CYP21A2: variants seen among roughly 807,000 people sequenced by gnomAD.
CYP21A2 encodes cytochrome P450 family 21 subfamily A member 2.
A neutral mutation model predicts 47.4 loss-of-function variants in CYP21A2; 24 were observed. The observed-to-expected ratio is 0.51, with a 90% CI of 0.37 to 0.71. The LOEUF is 0.71. Among genes scored for constraint, CYP21A2 ranks in the 30% least tolerant of loss-of-function variants. The pLI is 0.00. For missense variants in CYP21A2, 358 were observed against 643.2 expected (o/e 0.56, Z 4.80); for synonymous variants, 130 against 273.9 (o/e 0.47, Z 5.19).
rs370908729 is a variant in CYP21A2, at chr6:32,040,512, C to G, written c.1046C>G (p.Thr349Ser). Residue 349 changes from threonine (T) to serine (S), a missense_variant, in exon 8 of 10, where the codon ACC (threonine) becomes AGC (serine). Physicochemically the swap from Thr to Ser is moderately conservative, Grantham distance 58. Coordinates refer to ENST00000644719, the MANE Select transcript of CYP21A2 (RefSeq NM_000500.9). The stretch of plus-strand genomic sequence containing the variant: ...GCACGGCTGCCCTTGCTCAATGCCA[C>G]CATCGCCGAGGTGCTGCGCCTGCGG... Reference protein sequence around the residue: ...DRARLPLLNATIAEVLRLRPV... With the variant: ...DRARLPLLNASIAEVLRLRPV... 1.4e-5 allele frequency: 23 copies of G among 1,613,572 alleles called. No homozygotes were observed. Among genetic ancestry groups the G allele is most frequent in the Non-Finnish European group, 1.9e-5 (23 of 1,179,814 alleles).
chr6:32,039,488 G>A (rs560869058), intron 4 of CYP21A2, 31 bp downstream of exon 4: 4 of 1,572,208 alleles, frequency 2.5e-6, no homozygotes, highest in African/African-American at 1.4e-5. Context: ...CCCACCCCCA[G>A]CCCCTCCCTG....
chr6:32,038,905 T>C, intron 2 of CYP21A2, 94 bp downstream of exon 2: 1 of 1,369,214 alleles, frequency 7.3e-7, no homozygotes, highest in Non-Finnish European at 1.0e-6. Context: ...AAATTCCTAG[T>C]CTCAAATGAT....
intron 2 of CYP21A2, 127 bp from the exon 3 acceptor site, chr6:32,038,967 G>C: frequency 6.5e-7 from 1 of 1,528,272 alleles, no homozygotes; most frequent in Non-Finnish European, 8.9e-7. Context: ...CCCCAATCCA[G>C]GTCCCTGGAA....
chr6:32,039,712 C>T, intron 5 of CYP21A2, 37 bp from the exon 6 acceptor site: 1 of 1,581,220 alleles, frequency 6.3e-7, no homozygotes, highest in Non-Finnish European at 8.6e-7. Context: ...GGGAGAGGCT[C>T]CTTCCCACAG....
intron 2 of CYP21A2, 21 bp from the exon 3 acceptor site, chr6:32,039,073 A>ACC: frequency 6.9e-7 from 1 of 1,457,728 alleles, no homozygotes; most frequent in African/African-American, 1.5e-5. Flanking sequence ...CCCACCCTCC[A>ACC]GCCCCCACCT....
At position 32,039,545 on chromosome 6, in the gene CYP21A2, G is replaced by A; in HGVS notation, c.550-1G>A. The A allele has an allele frequency of 6.3e-7, 1 of 1,586,730 alleles. No individual in the cohort carries two copies. Among genetic ancestry groups the A allele is most frequent in the Non-Finnish European group, 8.6e-7 (1 of 1,165,488 alleles). On this transcript the variant is annotated splice_acceptor_variant, in intron 4 of 9. Coordinates refer to ENST00000644719, the MANE Select transcript of CYP21A2 (RefSeq NM_000500.9). LOFTEE classifies it high-confidence loss of function. The stretch of plus-strand genomic sequence containing the variant: ...GAAAGTACTCCCTCCTTTTCTGGCA[G>A]GACGACAACTTAATGCCTGCCTATT...
Position 32,038,553 on chromosome 6 carries a change from A to T in CYP21A2, c.131A>T (p.Asp44Val), listed in dbSNP as rs764569922. ...GGCTTCTTGCACCTGCTGCAGCCCG[A>T]CCTCCCCATCTATCTGCTTGGCCTG... ...APGFLHLLQP[D>V]LPIYLLGLTQ... is the part of the protein sequence containing the mutation. Residue 44 changes from aspartate to valine, a missense_variant, in exon 1 of 10, where the codon GAC becomes GTC. Coordinates refer to ENST00000644719, the MANE Select transcript of CYP21A2 (RefSeq NM_000500.9). The T allele has an allele frequency of 6.2e-7, 1 of 1,601,522 alleles. No individual in the cohort carries two copies. Among genetic ancestry groups the T allele is most frequent in the Non-Finnish European group, 8.5e-7 (1 of 1,173,928 alleles).
At position 32,040,418 on chromosome 6, in the gene CYP21A2, C is replaced by G. The variant is rs1776217797; in HGVS notation, c.952C>G (p.Leu318Val). Residue 318 changes from leucine (L) to valine (V), a missense_variant, in exon 8 of 10, where the codon CTG (leucine) becomes GTG (valine). Leu to Val is a conservative substitution (Grantham distance 32). Transcript: ENST00000644719. The part of the protein sequence containing the change: ...LLHHPEIQQR[L>V]QEELDHELGP... Reference sequence around the variant, plus strand: ...GATCATTCCCCAGATTCAGCAGCGACTGCAGGAGGAGCTAGACCACGAACT... The same window carrying G: ...GATCATTCCCCAGATTCAGCAGCGAGTGCAGGAGGAGCTAGACCACGAACT... The G allele has an allele frequency of 1.2e-6, 2 of 1,612,972 alleles. No individual in the cohort carries two copies. The highest frequency in any genetic ancestry group is 1.7e-6 in the Non-Finnish European group (2 of 1,179,830).
In CYP21A2 at chr6:32,041,154, G is replaced by T; in HGVS notation, c.*20G>T. ...CAGTGATGGGGCAGGACCGATGCCA[G>T]CCGGGTACCTCAGTTTCTCCTTTAT... On this transcript the variant is annotated 3_prime_UTR_variant, in exon 10 of 10. Coordinates refer to ENST00000644719, the MANE Select transcript of CYP21A2 (RefSeq NM_000500.9). 1 of 1,582,094 alleles carries T rather than the reference G, an allele frequency of 6.3e-7. No homozygotes were observed. Among genetic ancestry groups the T allele is most frequent in the Non-Finnish European group, 8.6e-7 (1 of 1,159,280 alleles).
Position 32,039,434 on chromosome 6 carries a change from C to T in CYP21A2, c.526C>T (p.Leu176Phe), listed in dbSNP as rs1342074925. 5 of 1,612,714 alleles carry T rather than the reference C, an allele frequency of 3.1e-6. No homozygotes were observed. The change falls in exon 4 of 10, where the codon CTC becomes TTC. Residue 176 changes from leucine to phenylalanine, a missense_variant. Coordinates refer to ENST00000644719, the MANE Select transcript of CYP21A2 (RefSeq NM_000500.9). ...CCTCACCTGCAGCATCATCTGTTAC[C>T]TCACCTTCGGAGACAAGATCAAGGT... ...SLLTCSIICY[L>F]TFGDKIKDDN...
chr6:32,039,303 C>G, intron 3 of CYP21A2, 53 bp from the exon 4 acceptor site: 1 of 1,576,474 alleles, frequency 6.3e-7, no homozygotes, highest in Non-Finnish European at 8.6e-7. Context: ...CACAGTAGCC[C>G]CCGCCCTGCC....
rs63749090 is a variant in CYP21A2, at chr6:32,038,468, G to A, written c.46G>A (p.Ala16Thr). 63 of 1,571,172 alleles carry A rather than the reference G, an allele frequency of 4.0e-5. No homozygotes were observed. The highest frequency in any genetic ancestry group is 5.4e-5 in the African/African-American group (4 of 73,668). The change falls in exon 1 of 10, where the codon GCC becomes ACC. Residue 16 changes from alanine (A) to threonine (T), a missense_variant. By Grantham distance (58) the Ala-to-Thr change is moderately conservative. Transcript: ENST00000644719. ...GCTGCTGCTGCCCCTGCTGGCTGGC[G>A]CCCGCCTGCTGTGGAACTGGTGGAA... ...LLLLLPLLAG[A>T]RLLWNWWKLR... is the part of the protein sequence containing the mutation.
In CYP21A2 at chr6:32,039,120, G is replaced by A. The variant is rs774531624; in HGVS notation, c.319G>A (p.Asp107Asn). 8.9e-6 allele frequency: 14 copies of A among 1,578,292 alleles called. No individual in the cohort carries two copies. In the East Asian group the frequency reaches 2.8e-4, roughly 31 times the overall value. Residue 107 changes from aspartate (D) to asparagine (N), a missense_variant, in exon 3 of 10, where the codon GAC (aspartate) becomes AAC (asparagine). Asp to Asn is a conservative substitution (Grantham distance 23, BLOSUM62 1). Transcript: ENST00000644719. Reference protein sequence around the residue: ...TYKLVSRNYPDLSLGDYSLLW... With the variant: ...TYKLVSRNYPNLSLGDYSLLW... ...CAAGCTGGTGTCTAGGAACTACCCGGACCTGTCCTTGGGAGACTACTCCCT... is the reference window on the plus strand; with the variant it reads ...CAAGCTGGTGTCTAGGAACTACCCGAACCTGTCCTTGGGAGACTACTCCCT...
Position 32,038,587 on chromosome 6 carries a change from A to G in CYP21A2, c.165A>G (p.Lys55=). Residue 55 remains lysine (K), a synonymous_variant, in exon 1 of 10, where the codon AAA becomes AAG. Transcript: ENST00000644719. ...LPIYLLGLTQ[K]FGPIYRLHLG... is the part of the protein sequence containing the mutation. ...TCTATCTGCTTGGCCTGACTCAGAA[A>G]TTCGGGCCCATCTACAGGCTCCACC... 1 of 1,589,658 alleles carries G rather than the reference A, an allele frequency of 6.3e-7. No homozygotes were observed. The highest frequency in any genetic ancestry group is 8.6e-7 in the Non-Finnish European group (1 of 1,166,970).
rs753680326 is a variant in CYP21A2 at position 32,039,076 on chromosome 6, C to T, written c.293-18C>T. On this transcript the variant is annotated intron_variant, in intron 2 of 9. Coordinates refer to ENST00000644719, the MANE Select transcript of CYP21A2 (RefSeq NM_000500.9). ...CCTTCATCAGTTCCCACCCTCCAGC[C>T]CCCACCTCCTCCTGCAGACAAGCTG... The T allele has an allele frequency of 6.3e-7, 1 of 1,593,404 alleles. No individual in the cohort carries two copies. The highest frequency in any genetic ancestry group is 8.6e-7 in the Non-Finnish European group (1 of 1,169,470).
chr6:32,040,845 A>G (rs558661883), intron 9 of CYP21A2, 24 bp from the exon 10 acceptor site: 1 of 1,546,256 alleles, frequency 6.5e-7, no homozygotes, highest in African/African-American at 1.4e-5. Flanking sequence ...ACGCCTCCCC[A>G]CCCACCTGTC....
chr6:32,038,510 C>T lies in CYP21A2; in HGVS notation c.88C>T (p.Leu30Phe). 2 of 1,606,248 alleles carry T rather than the reference C, an allele frequency of 1.2e-6. No homozygotes were observed. The highest frequency in any genetic ancestry group is 2.2e-5 in the East Asian group (1 of 44,606). ...CTGGTGGAAGCTCCGGAGCCTCCAC[C>T]TCCCGCCTCTTGCCCCGGGCTTCTT... ...WNWWKLRSLH[L>F]PPLAPGFLHL... Residue 30 changes from leucine to phenylalanine, a missense_variant, in exon 1 of 10, where the codon CTC (leucine) becomes TTC (phenylalanine). Leu to Phe is a conservative substitution (Grantham distance 22). Transcript: ENST00000644719.
At position 32,039,183 on chromosome 6, in the gene CYP21A2, C is replaced by T. The variant is rs1433029679; in HGVS notation, c.382C>T (p.Leu128=). Reference sequence around the variant, plus strand: ...CCACAAGAAGCTCACCCGCTCAGCCCTGCTGCTGGGCATCCGTGACTCCAT... The same window carrying T: ...CCACAAGAAGCTCACCCGCTCAGCCTTGCTGCTGGGCATCCGTGACTCCAT... ...KAHKKLTRSA[L]LLGIRDSMEP... Residue 128 remains leucine, a synonymous_variant, in exon 3 of 10, where the codon CTG becomes TTG. Coordinates refer to ENST00000644719, the MANE Select transcript of CYP21A2 (RefSeq NM_000500.9). 4 of 1,604,266 alleles carry T rather than the reference C, an allele frequency of 2.5e-6. No homozygotes were observed. The highest frequency in any genetic ancestry group is 1.3e-5 in the African/African-American group (1 of 74,738).
rs184649564 is a variant in CYP21A2, at chr6:32,041,085, G to A, written c.1439G>A (p.Arg480Gln). 1.4e-5 allele frequency: 22 copies of A among 1,572,416 alleles called. No individual in the cohort carries two copies. The highest frequency in any genetic ancestry group is 2.1e-4 in the Middle Eastern group (1 of 4,660). The change falls in exon 10 of 10, where the codon CGG (arginine) becomes CAG (glutamine). Residue 480 changes from arginine (R) to glutamine (Q), a missense_variant. Transcript: ENST00000644719. ...VILKMQPFQV[R>Q]LQPRGMGAHS... ...CTCAAGATGCAGCCTTTCCAAGTGC[G>A]GCTGCAGCCCCGGGGGATGGGGGCC...
Sources: allele counts gnomAD v4.1 joint callset, GRCh38; gene constraint gnomAD v4.1.1; transcripts MANE v1.5; gene names NCBI Gene and HGNC (gene_info 2026-07-23, HGNC 2026-07-21).